Variants in UGP2 observed in about 807,000 individuals in gnomAD.
UGP2 encodes UDP-glucose pyrophosphorylase 2.
In UGP2, 40 loss-of-function variants were observed where a neutral mutation model predicts 49.0. The observed-to-expected ratio is 0.82, with a 90% CI of 0.63 to 1.06. The LOEUF (loss-of-function observed/expected upper bound fraction) is 1.06. Ranked by LOEUF, UGP2 falls within the 50% of genes least tolerant of loss-of-function variation. UGP2 has a pLI of 0.00. For missense variants in UGP2, 460 were observed against 603.5 expected (o/e 0.76, Z 2.49); for synonymous variants, 225 against 213.0 (o/e 1.06, Z -0.49).
At position 63,854,082 on chromosome 2, in the gene UGP2, T is replaced by C. The variant is rs557413258; in HGVS notation, c.20-2224T>C. Among the ~76,000 whole-genome samples the C allele has an allele frequency of 5.3e-5, 8 of 152,310 alleles. No homozygotes were observed. In the South Asian group the frequency reaches 1.7e-3, roughly 32 times the overall value. On this transcript the variant is annotated intron_variant, in intron 1 of 9. Transcript: ENST00000337130. ...CCAGGAAAAAAACATTAGCAAGGTA[T>C]TTCTGCCTCACTGTGGTGGAATGGG...
At chr2:63,869,918 A>G (rs1317298153) in intron 3 of UGP2, among the ~76,000 whole-genome samples, 1 of 148,896 alleles carries the variant, frequency 6.7e-6, no homozygotes, top group Non-Finnish European at 1.5e-5. Flanking sequence ...AGTAATTAAA[A>G]TTAATTTTTT....
chr2:63,879,530 C>G (rs923658092), intron 3 of UGP2, among the ~76,000 whole-genome samples: 1 of 152,056 alleles, frequency 6.6e-6, no homozygotes, highest in African/African-American at 2.4e-5. Context: ...ATTGTAATGA[C>G]AAGATGGGTC....
intron 3 of UGP2, among the ~76,000 whole-genome samples, chr2:63,873,810 A>T (rs1489413371): frequency 6.6e-6 from 1 of 152,186 alleles, no homozygotes; most frequent in Non-Finnish European, 1.5e-5. Flanking sequence ...GCTACATAGG[A>T]TAGAGAAACC....
chr2:63,855,534 T>C (rs1275431156), intron 1 of UGP2: 2 of 295,238 alleles, frequency 6.8e-6, no homozygotes, highest in East Asian at 9.9e-5. Flanking sequence ...TTTTTTTTTT[T>C]TTTTTTTCTC....
intron 1 of UGP2, among the ~76,000 whole-genome samples, chr2:63,850,456 ATTTAC>A (rs1668975597): frequency 6.6e-6 from 1 of 152,170 alleles, no homozygotes; most frequent in Non-Finnish European, 1.5e-5. Flanking sequence ...ACTTAATTGA[ATTTAC>A]TTTTCTTAAT....
intron 3 of UGP2, among the ~76,000 whole-genome samples, chr2:63,868,342 G>A (rs544493784): frequency 3.9e-5 from 6 of 152,238 alleles, no homozygotes; most frequent in African/African-American, 1.4e-4. Context: ...TAGGATCTTT[G>A]ATCATCTATC....
In UGP2 at chr2:63,856,394, A is replaced by G; in HGVS notation, c.108A>G (p.Leu36=). Residue 36 remains leucine, a synonymous_variant, in exon 2 of 10, where the codon CTA becomes CTG. Transcript: ENST00000337130. ...TAGAATTATCTGTGAAGAAGGAACT[A>G]GAAAAAATACTCACCACAGCATCAT... ...QELELSVKKE[L]EKILTTASSH... 1 of 1,613,590 alleles carries G rather than the reference A, an allele frequency of 6.2e-7. No homozygotes were observed. The highest frequency in any genetic ancestry group is 8.5e-7 in the Non-Finnish European group (1 of 1,180,026).
intron 8 of UGP2, chr2:63,889,026 G>A (rs946738818): frequency 3.9e-5 from 6 of 152,068 alleles, no homozygotes; most frequent in Admixed American, 1.3e-4. Context: ...ATGCAGATGG[G>A]GAATTAGAAA....
intron 3 of UGP2, among the ~76,000 whole-genome samples, chr2:63,882,137 C>T (rs1671361019): frequency 6.6e-6 from 1 of 152,116 alleles, no homozygotes; most frequent in African/African-American, 2.4e-5. Flanking sequence ...TATGTTGATG[C>T]AAAATGGGAA....
At position 63,890,139 on chromosome 2, in the gene UGP2, T is replaced by G; in HGVS notation, c.1373T>G (p.Leu458Arg). The G allele has an allele frequency of 6.2e-7, 1 of 1,612,580 alleles. No individual in the cohort carries two copies. Among genetic ancestry groups the G allele is most frequent in the Non-Finnish European group, 8.5e-7 (1 of 1,179,488 alleles). The change falls in exon 9 of 10, where the codon CTC becomes CGC. Residue 458 changes from leucine (L) to arginine (R), a missense_variant. Physicochemically the swap from Leu to Arg is moderately radical, Grantham distance 102. Transcript: ENST00000337130. ...CCAGATATGCTTGAATTGGATCACCTCACAGTTTCAGGAGATGTGACATTT... is the reference window on the plus strand; with the variant it reads ...CCAGATATGCTTGAATTGGATCACCGCACAGTTTCAGGAGATGTGACATTT... Reference protein sequence around the residue: ...SIPDMLELDHLTVSGDVTFGK... With the variant: ...SIPDMLELDHRTVSGDVTFGK...
At chr2:63,885,094 C>A (rs566248976) in intron 5 of UGP2, among the ~76,000 whole-genome samples, 1 of 141,346 alleles carries the variant, frequency 7.1e-6, no homozygotes, top group South Asian at 2.3e-4. Context: ...TTTCCTCTTG[C>A]CCCATCACCA....
intron 3 of UGP2, among the ~76,000 whole-genome samples, chr2:63,865,746 C>T (rs982677161): frequency 6.6e-6 from 1 of 151,850 alleles, no homozygotes; most frequent in African/African-American, 2.4e-5. Context: ...GCTGTGTTAC[C>T]CAGGCTGGTA....
At chr2:63,880,834 C>T (rs1051457173) in intron 3 of UGP2, among the ~76,000 whole-genome samples, 4 of 152,200 alleles carry the variant, frequency 2.6e-5, no homozygotes, top group African/African-American at 9.7e-5. Context: ...TCCTGCCTCC[C>T]TCCTCTTCCT....
At chr2:63,847,961 T>G (rs964383344) in intron 1 of UGP2, among the ~76,000 whole-genome samples, 1 of 152,220 alleles carries the variant, frequency 6.6e-6, no homozygotes, top group Admixed American at 6.5e-5. Context: ...TACTGAAAAG[T>G]TAACATAAAC....
intron 3 of UGP2, among the ~76,000 whole-genome samples, chr2:63,875,747 T>C (rs553574692): frequency 1.3e-5 from 2 of 152,334 alleles, no homozygotes; most frequent in South Asian, 2.1e-4. Flanking sequence ...TCTGGACTTT[T>C]TGCCAGGAGC....
At chr2:63,842,351 G>T (rs1671615980) in intron 1 of UGP2, 147 bp downstream of exon 1, 2 of 1,603,192 alleles carry the variant, frequency 1.2e-6, no homozygotes, top group Non-Finnish European at 1.7e-6. Context: ...CATCTGAGCT[G>T]CCTTGAGCTG....
chr2:63,866,094 CTG>C (rs1467749388), intron 3 of UGP2, among the ~76,000 whole-genome samples: 1 of 151,980 alleles, frequency 6.6e-6, no homozygotes, highest in Non-Finnish European at 1.5e-5. Flanking sequence ...CTAAGAAAGA[CTG>C]GGAAAATTTC....
intron 3 of UGP2, among the ~76,000 whole-genome samples, chr2:63,867,319 C>A (rs1205222087): frequency 3.3e-5 from 5 of 152,072 alleles, no homozygotes; most frequent in African/African-American, 9.7e-5. Context: ...TTGTCCTAGC[C>A]TCATTACTCC....
chr2:63,865,553 T>A (rs1227204084), intron 3 of UGP2, among the ~76,000 whole-genome samples: 2 of 149,924 alleles, frequency 1.3e-5, no homozygotes, highest in Non-Finnish European at 3.0e-5. Context: ...TTTTTTTTTT[T>A]AAAGAGACAG....
Sources: gnomAD v4.1 joint callset for allele counts (sites outside exome capture counted in the v4.1 genomes callset) on GRCh38, gnomAD v4.1.1 for gene constraint, MANE v1.5 for transcripts, NCBI Gene and HGNC (gene_info 2026-07-23, HGNC 2026-07-21) for gene names.